The following P3H2 variants were observed in gnomAD, a reference collection of about 807,000 sequenced individuals.
P3H2 encodes prolyl 3-hydroxylase 2.
P3H2 carries 80 observed loss-of-function variants against 87.0 expected under a neutral mutation model. The ratio of observed to expected loss-of-function variants is 0.92; its 90% CI spans 0.77 to 1.11. P3H2 has a LOEUF of 1.11. P3H2 is among the 50% of genes least tolerant of loss of function. The pLI, the probability that P3H2 is intolerant of heterozygous loss-of-function variation, is 0.00. For synonymous variants in P3H2, 367 were observed against 359.3 expected (o/e 1.02, Z -0.24); for missense variants, 1,001 against 923.9 (o/e 1.08, Z -1.08).
In P3H2 at chr3:189,965,377, T is replaced by A. The variant is rs1049714056; in HGVS notation, c.1894-1279A>T. On this transcript the variant is annotated intron_variant, in intron 13 of 14. Transcript: ENST00000319332. The stretch of plus-strand genomic sequence containing the variant: ...GTGTTTATGTGGGCATGTGTGTGTG[T>A]TTATGTCTGTGTGAGTCTGCATGTG... Among the ~76,000 whole-genome samples the A allele has an allele frequency of 2.0e-5, 3 of 152,118 alleles. 1 individual carries two copies. The highest frequency in any genetic ancestry group is 2.0e-4 in the Admixed American group (3 of 15,276).
intron 1 of P3H2, among the ~76,000 whole-genome samples, chr3:190,070,355 A>G (rs1392067004): frequency 6.6e-6 from 1 of 152,190 alleles, no homozygotes; most frequent in Admixed American, 6.5e-5. Context: ...GTCATAGTAC[A>G]TAGGAAGATA....
chr3:190,044,534 G>C (rs1725740080), intron 1 of P3H2, among the ~76,000 whole-genome samples: 1 of 152,164 alleles, frequency 6.6e-6, no homozygotes, highest in Admixed American at 6.5e-5. Context: ...TTCCACTCAG[G>C]ACTGGAGCAT....
intron 8 of P3H2, among the ~76,000 whole-genome samples, chr3:189,982,269 T>C (rs1260429489): frequency 6.6e-6 from 1 of 152,152 alleles, no homozygotes; most frequent in African/African-American, 2.4e-5. Context: ...GAGATGCTGT[T>C]AGTATTAAAA....
chr3:190,118,579 A>T (rs1414792050), intron 1 of P3H2, among the ~76,000 whole-genome samples: 1 of 151,814 alleles, frequency 6.6e-6, no homozygotes, highest in African/African-American at 2.4e-5. Context: ...GAAAGGATTC[A>T]GACTTTCTCC....
intron 1 of P3H2, among the ~76,000 whole-genome samples, chr3:190,107,201 G>C (rs532138361): frequency 1.6e-4 from 24 of 152,208 alleles, no homozygotes; most frequent in African/African-American, 5.8e-4. Flanking sequence ...AACATTTTTC[G>C]TTATTAGTTT....
At chr3:190,100,058 A>C (rs559598941) in intron 1 of P3H2, among the ~76,000 whole-genome samples, 5 of 152,200 alleles carry the variant, frequency 3.3e-5, no homozygotes, top group Non-Finnish European at 5.9e-5. Flanking sequence ...ACATGGTGAA[A>C]TTCCATCTCT....
At chr3:189,986,988 A>T in intron 5 of P3H2, 111 bp from the exon 6 acceptor site, 1 of 757,026 alleles carries the variant, frequency 1.3e-6, no homozygotes, top group Middle Eastern at 2.7e-4. Context: ...TGAGCTAACA[A>T]ATATTCAGAA....
At chr3:189,964,754 A>ATC (rs1183542951) in intron 13 of P3H2, among the ~76,000 whole-genome samples, 1 of 152,232 alleles carries the variant, frequency 6.6e-6, no homozygotes, top group Admixed American at 6.5e-5. Context: ...CCTATTCGCC[A>ATC]TCACCCTTAA....
At chr3:190,029,388 G>A (rs746294097) in intron 1 of P3H2, among the ~76,000 whole-genome samples, 39 of 152,112 alleles carry the variant, frequency 2.6e-4, no homozygotes, top group Non-Finnish European at 2.9e-4. Context: ...TCATCAACTT[G>A]ACAATTTCAT....
At chr3:189,967,997 C>T (rs934161644) in intron 13 of P3H2, among the ~76,000 whole-genome samples, 1 of 152,132 alleles carries the variant, frequency 6.6e-6, no homozygotes, top group East Asian at 1.9e-4. Flanking sequence ...TTAGAAATAG[C>T]TTCTATAATG....
intron 1 of P3H2, among the ~76,000 whole-genome samples, chr3:190,078,528 C>A (rs1726940445): frequency 6.6e-6 from 1 of 152,140 alleles, no homozygotes; most frequent in Admixed American, 6.5e-5. Context: ...CTAAAGGCAA[C>A]TGATTAGAGG....
chr3:190,027,624 C>CTTTT (rs539796963), intron 1 of P3H2, among the ~76,000 whole-genome samples: 1 of 136,758 alleles, frequency 7.3e-6, no homozygotes, highest in Non-Finnish European at 1.6e-5. Flanking sequence ...CGGTTTTTAC[C>CTTTT]TTTTTTTTTT....
chr3:189,993,278 C>G (rs538410014), intron 3 of P3H2, among the ~76,000 whole-genome samples: 1 of 148,020 alleles, frequency 6.8e-6, no homozygotes, highest in African/African-American at 2.5e-5. Flanking sequence ...GCCAAGATCA[C>G]GCCATTGCAC....
At chr3:190,106,819 T>C (rs539402682) in intron 1 of P3H2, among the ~76,000 whole-genome samples, 14 of 152,320 alleles carry the variant, frequency 9.2e-5, no homozygotes, top group African/African-American at 3.4e-4. Flanking sequence ...ATTTAATCTT[T>C]CAGGCTTCAG....
intron 1 of P3H2, among the ~76,000 whole-genome samples, chr3:190,025,565 T>C (rs1246989108): frequency 4.6e-5 from 7 of 152,186 alleles, no homozygotes; most frequent in South Asian, 4.1e-4. Flanking sequence ...ATAATGTAAA[T>C]TGGCATTTGT....
chr3:189,966,502 T>A (rs1232766097), intron 13 of P3H2, among the ~76,000 whole-genome samples: 5 of 152,218 alleles, frequency 3.3e-5, no homozygotes, highest in Admixed American at 3.3e-4. Context: ...CTAAGACCCA[T>A]CTCATCACAC....
intron 4 of P3H2, among the ~76,000 whole-genome samples, chr3:189,988,638 C>A (rs535460186): frequency 1.6e-3 from 236 of 151,992 alleles, no homozygotes; most frequent in African/African-American, 5.6e-3. Flanking sequence ...AAATTCAGTT[C>A]TAAAAAAATT....
intron 1 of P3H2, among the ~76,000 whole-genome samples, chr3:189,999,825 T>C (rs1003071247): frequency 2.6e-5 from 4 of 152,184 alleles, no homozygotes; most frequent in Non-Finnish European, 5.9e-5. Context: ...TAAAAATGCC[T>C]TCAAGAAGCT....
At chr3:189,962,689 T>C (rs1722853539) in intron 14 of P3H2, among the ~76,000 whole-genome samples, 1 of 152,214 alleles carries the variant, frequency 6.6e-6, no homozygotes, top group African/African-American at 2.4e-5. Flanking sequence ...CAGATAATAA[T>C]AGCTCTTCTG....
Sources: gnomAD v4.1 joint callset for allele counts (sites outside exome capture counted in the v4.1 genomes callset) on GRCh38, gnomAD v4.1.1 for gene constraint, MANE v1.5 for transcripts, NCBI Gene and HGNC (gene_info 2026-07-23, HGNC 2026-07-21) for gene names.